The following TRIM25 variants were observed in gnomAD, a reference collection of about 807,000 sequenced individuals.
The protein encoded by TRIM25 is E3 ubiquitin/ISG15 ligase TRIM25.
In TRIM25, 45 loss-of-function variants were observed where a neutral mutation model predicts 65.2. The observed-to-expected ratio is 0.69, with a 90% confidence interval of 0.54 to 0.89. The LOEUF (loss-of-function observed/expected upper bound fraction) is 0.89, where lower values mean the gene tolerates loss of function less well. TRIM25 is among the 40% of genes least tolerant of loss of function. The probability of loss-of-function intolerance (pLI) is 0.00; values close to 1 mark genes in which losing one functional copy is unlikely to be tolerated. For missense variants in TRIM25, 714 were observed against 803.7 expected, an observed-to-expected ratio of 0.89 and a Z score of 1.35; for synonymous variants, 321 against 340.4, an observed-to-expected ratio of 0.94 and a Z score of 0.63.
intron 4 of TRIM25, among the ~76,000 whole-genome samples, chr17:56,899,442 C>T (rs950431826): frequency 6.6e-6 from 1 of 152,224 alleles, no homozygotes; most frequent in Non-Finnish European, 1.5e-5. Flanking sequence ...GCCTCTGAGA[C>T]TTCTCTGAGC....
chr17:56,904,600 G>C, intron 2 of TRIM25, 112 bp from the exon 3 acceptor site: 1 of 994,114 alleles, frequency 1.0e-6, no homozygotes, highest in Non-Finnish European at 1.5e-6. Flanking sequence ...GTACTTTGTG[G>C]GAGAACAAAC....
chr17:56,890,739 A>G lies in TRIM25; in HGVS notation c.*961T>C, dbSNP rs1176107575. The G allele has an allele frequency of 2.2e-6, 1 of 456,500 alleles. No homozygotes were observed. Among genetic ancestry groups the G allele is most frequent in the Non-Finnish European group, 4.4e-6 (1 of 226,958 alleles). The allele number at this position is 456,500 out of a possible 1,614,324, so 28.3% of individuals were successfully genotyped here. ...ATCCAGGGAAGAGAGGCTATCACCG[A>G]GAAGAGTTGTCAGTAAGAAGGCAGG... On this transcript the variant is annotated 3_prime_UTR_variant, in exon 9 of 9. Transcript: ENST00000316881.
At position 56,890,601 on chromosome 17, in the gene TRIM25, C is replaced by T. The variant is rs567648434; in HGVS notation, c.*1099G>A. 4.4e-6 allele frequency: 2 copies of T among 456,394 alleles called. No homozygotes were observed. The highest frequency in any genetic ancestry group is 2.3e-5 in the Admixed American group (1 of 42,572). The allele number at this position is 456,394 out of a possible 1,614,324, so 28.3% of individuals were successfully genotyped here. On this transcript the variant is annotated 3_prime_UTR_variant, in exon 9 of 9. Coordinates refer to ENST00000316881, the MANE Select transcript of TRIM25 (RefSeq NM_005082.5). ...CCCCAGCAAGTGGCCTAGCATGGTC[C>T]GAGGCAGCCGCATAGCCTGTCTGCA...
intron 5 of TRIM25, among the ~76,000 whole-genome samples, chr17:56,898,043 T>C (rs1909327805): frequency 6.6e-6 from 1 of 152,144 alleles, no homozygotes. Context: ...ACACCAGCAG[T>C]GTGCAGCCAG....
rs946430566 is a variant in TRIM25, at chr17:56,889,629, C to T, written c.*2071G>A. The T allele has an allele frequency of 2.5e-6, 1 of 397,376 alleles. No homozygotes were observed. Among genetic ancestry groups the T allele is most frequent in the African/African-American group, 2.1e-5 (1 of 48,592 alleles). The allele number at this position is 397,376 out of a possible 1,614,324, so 24.6% of individuals were successfully genotyped here. A position where few individuals can be genotyped will look rare whatever the true frequency, so the allele number is the denominator to read the frequency against. On this transcript the variant is annotated 3_prime_UTR_variant, in exon 9 of 9. Coordinates refer to ENST00000316881, the MANE Select transcript of TRIM25 (RefSeq NM_005082.5). ...CTTTTAAACAGAGGGTCTTATGCTTCCCTATCCTGAGCTGCACATTTGCCA... is the reference window on the plus strand; with the variant it reads ...CTTTTAAACAGAGGGTCTTATGCTTTCCTATCCTGAGCTGCACATTTGCCA...
At chr17:56,908,604 G>C in intron 1 of TRIM25, 41 bp from the exon 2 acceptor site, 1 of 1,584,598 alleles carries the variant, frequency 6.3e-7, no homozygotes, top group Non-Finnish European at 8.6e-7. Flanking sequence ...CACCTCTTCA[G>C]CCCAGCCCCA....
At chr17:56,895,851 ACT>A in intron 6 of TRIM25, 73 bp downstream of exon 6, 1 of 1,559,984 alleles carries the variant, frequency 6.4e-7, no homozygotes, top group Non-Finnish European at 8.7e-7. Context: ...AGAGAGGTCG[ACT>A]CTCACTACCA....
chr17:56,904,225 AAC>A (rs758333978), intron 3 of TRIM25, 28 bp downstream of exon 3: 15 of 1,564,306 alleles, frequency 9.6e-6, no homozygotes, highest in South Asian at 9.5e-5. Flanking sequence ...AAAAAAAAAA[AAC>A]ATTCAACAAT....
intron 5 of TRIM25, 196 bp downstream of exon 5, chr17:56,898,919 C>A: frequency 1.7e-6 from 1 of 590,186 alleles, no homozygotes; most frequent in Admixed American, 3.1e-5. Flanking sequence ...CCAGGCAGCC[C>A]AAACGTGCAA....
chr17:56,894,539 C>T (rs995235482), intron 8 of TRIM25, among the ~76,000 whole-genome samples: 1 of 152,194 alleles, frequency 6.6e-6, no homozygotes, highest in Non-Finnish European at 1.5e-5. Context: ...CATGAGCCAC[C>T]GCACCCAGCT....
intron 8 of TRIM25, 139 bp from the exon 9 acceptor site, chr17:56,892,368 T>C: frequency 2.3e-6 from 2 of 876,410 alleles, no homozygotes; most frequent in Non-Finnish European, 1.7e-6. Context: ...CATCCACTCA[T>C]CTATCCATCT....
chr17:56,908,297 G>T (rs1042922845), intron 2 of TRIM25, among the ~76,000 whole-genome samples, 171 bp downstream of exon 2: 2 of 152,146 alleles, frequency 1.3e-5, no homozygotes, highest in Non-Finnish European at 2.9e-5. Context: ...GTTTGCAAAG[G>T]ATCTCTCTCA....
At chr17:56,903,722 G>A (rs986713253) in intron 3 of TRIM25, among the ~76,000 whole-genome samples, 1 of 152,170 alleles carries the variant, frequency 6.6e-6, no homozygotes, top group Non-Finnish European at 1.5e-5. Flanking sequence ...AATTGATTTT[G>A]AGTTCATCAA....
intron 8 of TRIM25, 82 bp from the exon 9 acceptor site, chr17:56,892,311 T>C: frequency 2.0e-6 from 3 of 1,465,774 alleles, no homozygotes; most frequent in Non-Finnish European, 1.8e-6. Flanking sequence ...GTACTATTTA[T>C]TCACTAGTTT....
chr17:56,897,086 C>A (rs1909309719), intron 5 of TRIM25, among the ~76,000 whole-genome samples: 2 of 152,018 alleles, frequency 1.3e-5, no homozygotes, highest in South Asian at 4.1e-4. Flanking sequence ...GCACTCCAGC[C>A]TAGGCAAAAG....
chr17:56,895,812 C>T, intron 6 of TRIM25, 114 bp downstream of exon 6: 1 of 1,373,910 alleles, frequency 7.3e-7, no homozygotes. Flanking sequence ...AGAATGGAAT[C>T]ATATAGAACC....
At position 56,891,562 on chromosome 17, in the gene TRIM25, C is replaced by T. The variant is rs2144346041; in HGVS notation, c.*138G>A. ...TTTCCTGGCTAAATCCCACCTCCCACCCTCCCGCCAGCTCCCCTCCCATGC... is the reference window on the plus strand; with the variant it reads ...TTTCCTGGCTAAATCCCACCTCCCATCCTCCCGCCAGCTCCCCTCCCATGC... On this transcript the variant is annotated 3_prime_UTR_variant, in exon 9 of 9. Transcript: ENST00000316881. 1 of 549,566 alleles carries T rather than the reference C, an allele frequency of 1.8e-6. No homozygotes were observed. The highest frequency in any genetic ancestry group is 2.0e-5 in the South Asian group (1 of 49,288). The allele number at this position is 549,566 out of a possible 1,614,324, so 34.0% of individuals were successfully genotyped here. A position where few individuals can be genotyped will look rare whatever the true frequency, so the allele number is the denominator to read the frequency against.
chr17:56,899,020 C>G, intron 5 of TRIM25, 95 bp downstream of exon 5: 1 of 1,447,440 alleles, frequency 6.9e-7, no homozygotes, highest in Non-Finnish European at 9.6e-7. Context: ...GTCCAGGCCC[C>G]ACAGTGACTC....
chr17:56,891,868 C>G lies in TRIM25; in HGVS notation c.1725G>C (p.Thr575=). The part of the protein sequence containing the change: ...VEKTLPSTKA[T]RVGVLLNCDH... ...CACAGTTGAGAAGCACGCCCACCCG[C>G]GTGGCCTTGGTGGAGGGCAGGGTTT... Residue 575 remains threonine, a synonymous_variant, in exon 9 of 9, where the codon ACG becomes ACC. Transcript: ENST00000316881. 1 of 1,614,242 alleles carries G rather than the reference C, an allele frequency of 6.2e-7. No individual in the cohort carries two copies. Among genetic ancestry groups the G allele is most frequent in the Non-Finnish European group, 8.5e-7 (1 of 1,180,056 alleles).
Sources: gnomAD v4.1 joint callset for allele counts (sites outside exome capture counted in the v4.1 genomes callset) on GRCh38, gnomAD v4.1.1 for gene constraint, MANE v1.5 for transcripts, NCBI Gene and HGNC (gene_info 2026-07-23, HGNC 2026-07-21) for gene names.